The following CMTM8 variants were observed in gnomAD, a reference collection of about 807,000 sequenced individuals.
CMTM8 encodes the protein CKLF like MARVEL transmembrane domain containing 8.
Under a neutral mutation model 18.6 loss-of-function variants are expected in CMTM8, and 12 were observed. That is an observed-to-expected ratio of 0.65 (90% CI 0.41 to 1.05). CMTM8 has a LOEUF of 1.05. CMTM8 is among the 50% of genes least tolerant of loss of function. The pLI, the probability that CMTM8 is intolerant of heterozygous loss-of-function variation, is 0.00. For synonymous variants in CMTM8, 87 were observed against 90.6 expected (o/e 0.96, Z 0.23); for missense variants, 217 against 227.2 (o/e 0.95, Z 0.29).
At chr3:32,278,020 C>T (rs1258874501) in intron 1 of CMTM8, among the ~76,000 whole-genome samples, 6 of 152,164 alleles carry the variant, frequency 3.9e-5, no homozygotes, top group Non-Finnish European at 7.3e-5. Context: ...ATGATAGCTC[C>T]GTGGTGTCAG....
chr3:32,256,062 T>G (rs1702170353), intron 1 of CMTM8, among the ~76,000 whole-genome samples: 1 of 152,122 alleles, frequency 6.6e-6, no homozygotes, highest in South Asian at 2.1e-4. Context: ...TTTGAGGATA[T>G]TGTTCCATTG....
At chr3:32,262,073 A>T (rs1025374509) in intron 1 of CMTM8, among the ~76,000 whole-genome samples, 1 of 152,108 alleles carries the variant, frequency 6.6e-6, no homozygotes, top group African/African-American at 2.4e-5. Context: ...TGCCATCAGA[A>T]GGAAGACGAG....
At chr3:32,290,075 T>C (rs1053794088) in intron 1 of CMTM8, among the ~76,000 whole-genome samples, 7 of 152,054 alleles carry the variant, frequency 4.6e-5, no homozygotes, top group African/African-American at 1.7e-4. Context: ...GATTGTGCCA[T>C]TGTACTGCAG....
chr3:32,246,130 A>G (rs1351001419), intron 1 of CMTM8, among the ~76,000 whole-genome samples: 1 of 151,940 alleles, frequency 6.6e-6, no homozygotes, highest in East Asian at 1.9e-4. Context: ...TTTAAAGCAT[A>G]CTCTCTTGTA....
At chr3:32,338,721 G>A (rs1696436144) in intron 1 of CMTM8, among the ~76,000 whole-genome samples, 1 of 152,162 alleles carries the variant, frequency 6.6e-6, no homozygotes, top group Non-Finnish European at 1.5e-5. Flanking sequence ...ATCTAATTCT[G>A]TGTAACAAAT....
intron 1 of CMTM8, among the ~76,000 whole-genome samples, chr3:32,289,754 G>A (rs1238546963): frequency 1.3e-5 from 2 of 152,176 alleles, no homozygotes; most frequent in African/African-American, 4.8e-5. Context: ...AGGAACATAA[G>A]GATCTTATTA....
chr3:32,288,103 A>T (rs953690158), intron 1 of CMTM8, among the ~76,000 whole-genome samples: 7 of 152,246 alleles, frequency 4.6e-5, no homozygotes, highest in African/African-American at 1.7e-4. Context: ...GTAGACCTGG[A>T]ATCTGAACAC....
chr3:32,369,235 A>G (rs1253254697), intron 3 of CMTM8, among the ~76,000 whole-genome samples: 1 of 152,026 alleles, frequency 6.6e-6, no homozygotes, highest in African/African-American at 2.4e-5. Context: ...AATTGCTTGA[A>G]CCCAGGAGGC....
intron 1 of CMTM8, among the ~76,000 whole-genome samples, chr3:32,313,275 T>C (rs917031820): frequency 1.3e-5 from 2 of 152,142 alleles, no homozygotes; most frequent in African/African-American, 4.8e-5. Context: ...CTGAGTAATG[T>C]CCACCTGAGC....
intron 1 of CMTM8, among the ~76,000 whole-genome samples, chr3:32,277,248 T>C (rs1702534198): frequency 6.6e-6 from 1 of 152,108 alleles, no homozygotes; most frequent in Non-Finnish European, 1.5e-5. Flanking sequence ...CAGAGTTTAA[T>C]CCTGATAAAG....
intron 1 of CMTM8, among the ~76,000 whole-genome samples, chr3:32,290,773 T>G (rs543222640): frequency 6.6e-6 from 1 of 152,382 alleles, no homozygotes; most frequent in South Asian, 2.1e-4. Flanking sequence ...CAATCATTTG[T>G]CATGGGCTAA....
intron 1 of CMTM8, among the ~76,000 whole-genome samples, chr3:32,287,515 T>C (rs1702707179): frequency 6.6e-6 from 1 of 152,202 alleles, no homozygotes; most frequent in Non-Finnish European, 1.5e-5. Context: ...TAAATTTTAA[T>C]ATAGGTTGGG....
intron 1 of CMTM8, among the ~76,000 whole-genome samples, chr3:32,297,145 G>A (rs1268415656): frequency 6.6e-6 from 1 of 152,126 alleles, no homozygotes; most frequent in Non-Finnish European, 1.5e-5. Context: ...CACCTTGAAT[G>A]TACACAGTCT....
chr3:32,265,761 A>C (rs1220917986), intron 1 of CMTM8, among the ~76,000 whole-genome samples: 4 of 152,226 alleles, frequency 2.6e-5, no homozygotes, highest in Admixed American at 2.6e-4. Context: ...ATAAAAAATG[A>C]TAAAGAGGAT....
intron 1 of CMTM8, among the ~76,000 whole-genome samples, chr3:32,294,987 G>A (rs191166100): frequency 6.6e-5 from 10 of 152,192 alleles, no homozygotes; most frequent in South Asian, 4.2e-4. Context: ...CTTGGGAGGC[G>A]GAGGTTGTAG....
At chr3:32,300,487 T>G (rs556641412) in intron 1 of CMTM8, among the ~76,000 whole-genome samples, 10 of 152,180 alleles carry the variant, frequency 6.6e-5, no homozygotes, top group Non-Finnish European at 1.5e-4. Context: ...CTTGCCTTTT[T>G]GGGGGAAAGG....
At chr3:32,246,762 G>C (rs556075006) in intron 1 of CMTM8, among the ~76,000 whole-genome samples, 1 of 152,230 alleles carries the variant, frequency 6.6e-6, no homozygotes, top group South Asian at 2.1e-4. Flanking sequence ...GTTTTCTGAG[G>C]ATGATTACTT....
rs768719245 is a variant in CMTM8, at chr3:32,357,457, G to A, written c.232G>A (p.Val78Ile). 9.9e-6 allele frequency: 16 copies of A among 1,614,040 alleles called. No individual in the cohort carries two copies. The South Asian group carries it at 1.6e-4, about 17-fold the overall frequency. The change falls in exon 2 of 4, where the codon GTA becomes ATA. Residue 78 changes from valine to isoleucine, a missense_variant. Physicochemically the swap from Val to Ile is conservative, Grantham distance 29. Coordinates refer to ENST00000307526, the MANE Select transcript of CMTM8 (RefSeq NM_178868.5). The stretch of plus-strand genomic sequence containing the variant: ...ATTTGGCTGGGTCATGTTTGTAGCT[G>A]TATTTTACTGGGTCCTCACCGTCTT... Reference protein sequence around the residue: ...PAFGWVMFVAVFYWVLTVFFL... With the variant: ...PAFGWVMFVAIFYWVLTVFFL...
At chr3:32,264,036 A>T (rs994538974) in intron 1 of CMTM8, among the ~76,000 whole-genome samples, 1 of 152,240 alleles carries the variant, frequency 6.6e-6, no homozygotes, top group Non-Finnish European at 1.5e-5. Context: ...GCAGGATATT[A>T]TCCAGGAGAA....
Sources: allele counts gnomAD v4.1 joint callset (sites outside exome capture counted in the v4.1 genomes callset), GRCh38; gene constraint gnomAD v4.1.1; transcripts MANE v1.5; gene names NCBI Gene and HGNC (gene_info 2026-07-23, HGNC 2026-07-21).